HDAC4: variants seen among roughly 807,000 people sequenced by gnomAD.
HDAC4 encodes histone deacetylase A.
Under a neutral mutation model 135.1 loss-of-function variants are expected in HDAC4, and 16 were observed. That is an observed-to-expected ratio of 0.12 (90% CI 0.08 to 0.18). The LOEUF (loss-of-function observed/expected upper bound fraction) is 0.18. Among genes scored for constraint, HDAC4 ranks in the 10% least tolerant of loss-of-function variants. The probability of loss-of-function intolerance (pLI) is 1.00; values close to 1 mark genes in which losing one functional copy is unlikely to be tolerated. For synonymous variants in HDAC4, 685 were observed against 653.4 expected, an observed-to-expected ratio of 1.05 and a Z score of -0.74; for missense variants, 1,143 against 1,511.8, an observed-to-expected ratio of 0.76 and a Z score of 4.05.
At chr2:239,295,306 C>CAAAAAAAAAAAAA (rs55990119) in intron 2 of HDAC4, among the ~76,000 whole-genome samples, 11 of 46,560 alleles carry the variant, frequency 2.4e-4, no homozygotes, top group Non-Finnish European at 3.9e-4. Flanking sequence ...GACTCCGTCT[C>CAAAAAAAAAAAAA]AAAAAAAAAA....
At chr2:239,111,854 C>A in intron 13 of HDAC4, 142 bp from the exon 14 acceptor site, 1 of 758,964 alleles carries the variant, frequency 1.3e-6, no homozygotes, top group Non-Finnish European at 2.2e-6. Context: ...AGGCCAGCTG[C>A]GTGGAGAGGC....
Position 239,090,828 on chromosome 2 carries a change from G to A in HDAC4, c.2281-712C>T, listed in dbSNP as rs554066745. Among the ~76,000 whole-genome samples, 434 of 152,250 alleles carry A rather than the reference G, an allele frequency of 2.9e-3. 2 individuals carry two copies. The highest frequency in any genetic ancestry group is 9.8e-3 in the African/African-American group (406 of 41,542). ...AAATACTTCTGGCCCCAAGCATTTC[G>A]GATAAGGGATAGTCGACCTGTCAAA... is the stretch of plus-strand genomic sequence containing the variant. On this transcript the variant is annotated intron_variant, in intron 17 of 26. Coordinates refer to ENST00000543185, the MANE Select transcript of HDAC4 (RefSeq NM_001378414.1).
At chr2:239,354,273 T>C (rs1001612786) in intron 1 of HDAC4, among the ~76,000 whole-genome samples, 5 of 152,236 alleles carry the variant, frequency 3.3e-5, no homozygotes, top group Non-Finnish European at 5.9e-5. Flanking sequence ...CATGTGTGGA[T>C]AGACAGCTGC....
chr2:239,323,197 C>T (rs2053369413), intron 2 of HDAC4, among the ~76,000 whole-genome samples: 2 of 152,052 alleles, frequency 1.3e-5, no homozygotes, highest in African/African-American at 4.8e-5. Flanking sequence ...TACGGAGCTA[C>T]AAAAAAATCC....
At chr2:239,344,773 C>CA (rs1165999510) in intron 2 of HDAC4, among the ~76,000 whole-genome samples, 2 of 152,322 alleles carry the variant, frequency 1.3e-5, no homozygotes, top group African/African-American at 4.8e-5. Context: ...CGGAAGCAAG[C>CA]AGTACATGGG....
intron 2 of HDAC4, among the ~76,000 whole-genome samples, chr2:239,301,464 T>C (rs1448828138): frequency 1.8e-5 from 2 of 113,034 alleles, no homozygotes; most frequent in African/African-American, 3.3e-5. Context: ...CTGCTGGTGC[T>C]TTCTTTCTTT....
intron 2 of HDAC4, among the ~76,000 whole-genome samples, chr2:239,315,582 G>A (rs1197481826): frequency 6.6e-6 from 1 of 152,184 alleles, no homozygotes; most frequent in East Asian, 1.9e-4. Context: ...AGGTGACAGT[G>A]AGAAAGTCCA....
At chr2:239,140,583 T>C (rs934542480) in intron 8 of HDAC4, among the ~76,000 whole-genome samples, 4 of 152,234 alleles carry the variant, frequency 2.6e-5, no homozygotes, top group Non-Finnish European at 1.5e-5. Context: ...TGGCATCATC[T>C]GGTTAAAGCT....
At chr2:239,190,182 G>A in intron 3 of HDAC4, 105 bp from the exon 4 acceptor site, 1 of 1,411,992 alleles carries the variant, frequency 7.1e-7, no homozygotes, top group African/African-American at 1.7e-5. Context: ...GGCGGGGGGG[G>A]GGTTGTGACC....
In HDAC4 at chr2:239,139,864, C is replaced by A; in HGVS notation, c.866-68G>T. On this transcript the variant is annotated intron_variant, in intron 8 of 26. Coordinates refer to ENST00000543185, the MANE Select transcript of HDAC4 (RefSeq NM_001378414.1). This position sits in a 1 kb window ranked among gnomAD's most constrained non-coding sequence, Gnocchi z 5.3. Reference sequence around the variant, plus strand: ...AGGGAGGGCCGTGCTGACCTGTGGCCCGAATGCCCGGTGCCTTCCACGGAC... The same window carrying A: ...AGGGAGGGCCGTGCTGACCTGTGGCACGAATGCCCGGTGCCTTCCACGGAC... 1 of 1,353,248 alleles carries A rather than the reference C, an allele frequency of 7.4e-7. No individual in the cohort carries two copies. The highest frequency in any genetic ancestry group is 1.1e-6 in the Non-Finnish European group (1 of 947,626). 83.8% of individuals were successfully genotyped at this position (1,353,248 alleles called of 1,614,324 possible).
At chr2:239,137,107 GT>G (rs900959556) in intron 9 of HDAC4, among the ~76,000 whole-genome samples, 1 of 152,074 alleles carries the variant, frequency 6.6e-6, no homozygotes, top group South Asian at 2.1e-4. Flanking sequence ...TGTAAGCAAG[GT>G]TTTTTTTAAG....
chr2:239,097,337 G>A (rs1295710468), intron 16 of HDAC4, among the ~76,000 whole-genome samples: 1 of 152,222 alleles, frequency 6.6e-6, no homozygotes, highest in Non-Finnish European at 1.5e-5. Context: ...CCCACTGAGG[G>A]CAGCAGCACC....
At chr2:239,384,287 A>G (rs1695630946) in intron 1 of HDAC4, among the ~76,000 whole-genome samples, 1 of 151,074 alleles carries the variant, frequency 6.6e-6, no homozygotes, top group African/African-American at 2.5e-5. Flanking sequence ...ATATTTTAGT[A>G]CCTCTCTCTA....
chr2:239,281,934 C>A (rs1272476374), intron 2 of HDAC4, among the ~76,000 whole-genome samples: 1 of 150,312 alleles, frequency 6.7e-6, no homozygotes, highest in Non-Finnish European at 1.5e-5. Context: ...AATGTACACA[C>A]CACTCTGCAA....
chr2:239,097,522 A>G (rs2152747941), intron 16 of HDAC4, among the ~76,000 whole-genome samples: 1 of 152,366 alleles, frequency 6.6e-6, no homozygotes, highest in East Asian at 1.9e-4. Context: ...CATGGTGGTC[A>G]GCCCTCATCC....
chr2:239,324,915 C>T lies in HDAC4; in HGVS notation c.22+27763G>A, dbSNP rs540261844. Among the ~76,000 whole-genome samples, 141 of 152,348 alleles carry T rather than the reference C, an allele frequency of 9.3e-4. 1 individual carries two copies. The highest frequency in any genetic ancestry group is 3.2e-3 in the African/African-American group (134 of 41,580). On this transcript the variant is annotated intron_variant, in intron 2 of 26. Transcript: ENST00000543185. ...GAAGGAAGAACAACTGCAGCTCAGA[C>T]ACTTCCAAAGCACAACTTCAGAAAT...
intron 24 of HDAC4, among the ~76,000 whole-genome samples, chr2:239,063,186 C>T (rs1490533923): frequency 1.3e-5 from 2 of 151,986 alleles, no homozygotes; most frequent in East Asian, 1.9e-4. Flanking sequence ...CAAGCCGGGC[C>T]GTGGCCCTGC....
At chr2:239,095,958 G>A (rs1279131981) in intron 16 of HDAC4, among the ~76,000 whole-genome samples, 2 of 152,148 alleles carry the variant, frequency 1.3e-5, no homozygotes, top group African/African-American at 4.8e-5. Flanking sequence ...CTGGCTTGAT[G>A]TAACAGGCTC....
At position 239,308,466 on chromosome 2, in the gene HDAC4, T is replaced by C. The variant is rs1280256242; in HGVS notation, c.22+44212A>G. Among the ~76,000 whole-genome samples, 1 of 152,210 alleles carries C rather than the reference T, an allele frequency of 6.6e-6. No individual in the cohort carries two copies. Among genetic ancestry groups the C allele is most frequent in the Non-Finnish European group, 1.5e-5 (1 of 68,038 alleles). On this transcript the variant is annotated intron_variant, in intron 2 of 26. Transcript: ENST00000543185. The surrounding 1 kb of genome is among the most constrained non-coding windows in gnomAD (Gnocchi z 4.2). Reference sequence around the variant, plus strand: ...AGTCTTCTTAGCAAAGTGAGGAATCTGCAGATCTCTCTGAAAGATCAGCTA... The same window carrying C: ...AGTCTTCTTAGCAAAGTGAGGAATCCGCAGATCTCTCTGAAAGATCAGCTA...
Sources: allele counts gnomAD v4.1 joint callset (sites outside exome capture counted in the v4.1 genomes callset), GRCh38; gene constraint gnomAD v4.1.1; non-coding constraint Gnocchi (gnomAD v3.1); transcripts MANE v1.5; gene names NCBI Gene and HGNC (gene_info 2026-07-23, HGNC 2026-07-21).